Variants in RBPJ observed in about 807,000 individuals in gnomAD.
RBPJ encodes recombining binding protein suppressor of hairless.
In RBPJ, 9 loss-of-function variants were observed where a neutral mutation model predicts 67.8. The observed-to-expected ratio is 0.13, with a 90% CI of 0.08 to 0.23. RBPJ has a LOEUF of 0.23. Ranked by LOEUF, RBPJ falls within the 10% of genes least tolerant of loss-of-function variation. The pLI, the probability that RBPJ is intolerant of heterozygous loss-of-function variation, is 1.00. For missense variants in RBPJ, 305 were observed against 595.6 expected, an observed-to-expected ratio of 0.51 and a Z score of 5.08; for synonymous variants, 198 against 203.3, an observed-to-expected ratio of 0.97 and a Z score of 0.22.
intron 2 of RBPJ, among the ~76,000 whole-genome samples, chr4:26,394,857 G>T (rs1731955488): frequency 6.6e-6 from 1 of 152,074 alleles, no homozygotes; most frequent in African/African-American, 2.4e-5. Flanking sequence ...TCATGCTTTT[G>T]CTTGAATCCG....
intron 1 of RBPJ, among the ~76,000 whole-genome samples, chr4:26,200,833 A>G (rs1307790880): frequency 1.3e-5 from 2 of 152,020 alleles, no homozygotes; most frequent in East Asian, 1.9e-4. Flanking sequence ...GTCTCTGGCT[A>G]TCTAGTTCCT....
chr4:26,211,076 T>C (rs1045556754), intron 1 of RBPJ, among the ~76,000 whole-genome samples: 7 of 152,130 alleles, frequency 4.6e-5, no homozygotes, highest in Non-Finnish European at 7.4e-5. Context: ...AGAAGGGTCA[T>C]TGGTGAGATT....
chr4:26,162,782 T>C (rs1221089632), upstream of RBPJ, among the ~76,000 whole-genome samples: 3 of 152,188 alleles, frequency 2.0e-5, no homozygotes, highest in East Asian at 3.8e-4. Context: ...AGCCTAGAGG[T>C]GGACCTAGAC....
chr4:26,190,075 A>T (rs193214173), intron 1 of RBPJ, among the ~76,000 whole-genome samples: 100 of 152,372 alleles, frequency 6.6e-4, no homozygotes, highest in African/African-American at 2.3e-3. Context: ...AGCACTTACT[A>T]CATGCAGTCA....
chr4:26,171,048 G>A (rs949119509), intron 1 of RBPJ, among the ~76,000 whole-genome samples: 1 of 152,166 alleles, frequency 6.6e-6, no homozygotes, highest in African/African-American at 2.4e-5. Flanking sequence ...CTTGTGGCTT[G>A]AGCATTAGAC....
chr4:26,270,437 G>GAAAGAAAGAAAGAAAGAA lies in RBPJ; in HGVS notation c.-166-92007_-166-92006insAGAAAGAAAGAAAGAAAA, dbSNP rs757127437. On this transcript the variant is annotated intron_variant, in intron 1 of 4. Coordinates refer to the RBPJ transcript ENST00000512351. Reference sequence around the variant, plus strand: ...AGAAAGAAAGAAAGAAAGAAAGAAAGAAGAAAGAAAGAAAGAAAGAAAAGA... The same window carrying GAAAGAAAGAAAGAAAGAA: ...AGAAAGAAAGAAAGAAAGAAAGAAAGAAAGAAAGAAAGAAAGAAAAGAAAGAAAGAAAGAAAGAAAAGA... Among the ~76,000 whole-genome samples the GAAAGAAAGAAAGAAAGAA allele has an allele frequency of 1.7e-4, 5 of 30,200 alleles. 1 individual carries two copies. Among genetic ancestry groups the GAAAGAAAGAAAGAAAGAA allele is most frequent in the African/African-American group, 2.8e-4 (4 of 14,338 alleles). The allele number at this position is 30,200 out of a possible 152,430, so 19.8% of individuals were successfully genotyped here. A position where few individuals can be genotyped will look rare whatever the true frequency, so the allele number is the denominator to read the frequency against.
chr4:26,217,605 C>T (rs560372290), intron 1 of RBPJ, among the ~76,000 whole-genome samples: 7 of 152,224 alleles, frequency 4.6e-5, no homozygotes, highest in South Asian at 2.1e-4. Flanking sequence ...AACTGTGAAG[C>T]GGCCTCCTGA....
intron 1 of RBPJ, chr4:26,368,050 A>G (rs552548792): frequency 6.6e-6 from 1 of 152,222 alleles, no homozygotes; most frequent in Non-Finnish European, 1.5e-5. Context: ...TAGTCAAAGT[A>G]CATAGTTCAG....
the RBPJ span, among the ~76,000 whole-genome samples, chr4:26,114,488 T>C: frequency 2.1e-5 from 3 of 144,948 alleles, no homozygotes; most frequent in Non-Finnish European, 4.5e-5. Flanking sequence ...CATATATATA[T>C]ATATATATAT....
chr4:26,400,465 C>T (rs980257087), intron 2 of RBPJ, among the ~76,000 whole-genome samples: 1 of 152,060 alleles, frequency 6.6e-6, no homozygotes, highest in Non-Finnish European at 1.5e-5. Context: ...CACAGCCTTC[C>T]TCTATTTGGA....
chr4:26,215,873 G>C (rs1347031856), intron 1 of RBPJ, among the ~76,000 whole-genome samples: 5 of 152,228 alleles, frequency 3.3e-5, no homozygotes, highest in Middle Eastern at 6.8e-3. Flanking sequence ...CAGCACATTG[G>C]GGGTGAGGGG....
chr4:26,254,435 T>A (rs1720224115), intron 1 of RBPJ, among the ~76,000 whole-genome samples: 1 of 148,660 alleles, frequency 6.7e-6, no homozygotes, highest in East Asian at 1.9e-4. Context: ...GGGCTTGCCA[T>A]GTCCTCTTCC....
At chr4:26,109,460 CTATA>C in the RBPJ span, among the ~76,000 whole-genome samples, 452 of 14,646 alleles carry the variant, frequency 0.031, 24 homozygotes, top group East Asian at 0.059. Context: ...CTCTCTCTCT[CTATA>C]TATATATATA....
chr4:26,358,020 CGTGTGTGTGTGTGT>C (rs4069724), intron 1 of RBPJ, among the ~76,000 whole-genome samples: 1 of 145,022 alleles, frequency 6.9e-6, no homozygotes, highest in African/African-American at 2.6e-5. Context: ...AGGGGGTATT[CGTGTGTGTGTGTGT>C]GTGTGTGTGT....
chr4:26,277,338 C>G (rs1393698447), intron 1 of RBPJ, among the ~76,000 whole-genome samples: 3 of 151,730 alleles, frequency 2.0e-5, no homozygotes, highest in African/African-American at 7.3e-5. Flanking sequence ...TCTGATCCCT[C>G]TCTGTAATGC....
At chr4:26,208,985 G>T (rs1016219365) in intron 1 of RBPJ, among the ~76,000 whole-genome samples, 11 of 151,732 alleles carry the variant, frequency 7.2e-5, no homozygotes, top group Non-Finnish European at 1.3e-4. Flanking sequence ...AAGTATTTGT[G>T]CTTGTTCCTT....
chr4:26,308,724 A>T (rs1304967348), intron 1 of RBPJ, among the ~76,000 whole-genome samples: 2 of 152,206 alleles, frequency 1.3e-5, no homozygotes, highest in Non-Finnish European at 2.9e-5. Context: ...GGTCTGGACA[A>T]GGGTGCTAGC....
At chr4:26,366,464 C>G (rs1437224370) in intron 1 of RBPJ, among the ~76,000 whole-genome samples, 1 of 152,034 alleles carries the variant, frequency 6.6e-6, no homozygotes, top group Non-Finnish European at 1.5e-5. Context: ...TGCTCTGTCA[C>G]CCAGGCTGGA....
intron 1 of RBPJ, among the ~76,000 whole-genome samples, chr4:26,232,219 A>T (rs1719315430): frequency 6.6e-6 from 1 of 152,166 alleles, no homozygotes; most frequent in Non-Finnish European, 1.5e-5. Context: ...GTAAATGAAG[A>T]CATTTTAATA....
Sources: allele counts gnomAD v4.1 joint callset (sites outside exome capture counted in the v4.1 genomes callset), GRCh38; gene constraint gnomAD v4.1.1; transcripts MANE v1.5; gene names NCBI Gene and HGNC (gene_info 2026-07-23, HGNC 2026-07-21).